DNM2: variants seen among roughly 807,000 people sequenced by gnomAD.
DNM2 encodes dynamin 2.
Under a neutral mutation model 99.0 loss-of-function variants are expected in DNM2, and 15 were observed. The ratio of observed to expected loss-of-function variants is 0.15; its 90% CI spans 0.10 to 0.23. The LOEUF (loss-of-function observed/expected upper bound fraction) is 0.23, where lower values mean the gene tolerates loss of function less well. DNM2 is among the 10% of genes least tolerant of loss of function. The pLI is 1.00. For missense variants in DNM2, 742 were observed against 1,189.4 expected (o/e 0.62, Z 5.53); for synonymous variants, 525 against 481.2 (o/e 1.09, Z -1.19).
At chr19:10,789,288 A>C (rs115657863) in intron 7 of DNM2, among the ~76,000 whole-genome samples, 439 of 152,258 alleles carry the variant, frequency 2.9e-3, no homozygotes, top group African/African-American at 0.01. Context: ...GATTCAGCCT[A>C]AGGGTGGACC....
At position 10,793,668 on chromosome 19, in the gene DNM2, G is replaced by A. The variant is rs920818458; in HGVS notation, c.993-52G>A. ...TGGCTTGACTTGGAACATCATTCCA[G>A]AGTAGTGTGGAAACCTCCGTTTTGA... On this transcript the variant is annotated intron_variant, in intron 7 of 20. Coordinates refer to ENST00000389253, the MANE Select transcript of DNM2 (RefSeq NM_001005361.3). 6 of 1,613,996 alleles carry A rather than the reference G, an allele frequency of 3.7e-6. No homozygotes were observed. In the African/African-American group the frequency reaches 8.0e-5, roughly 22 times the overall value.
At chr19:10,730,657 A>G (rs1302938248) in intron 1 of DNM2, among the ~76,000 whole-genome samples, 7 of 152,010 alleles carry the variant, frequency 4.6e-5, no homozygotes, top group African/African-American at 1.5e-4. Context: ...TGCTCCATCT[A>G]TATAAAGAGT....
At chr19:10,746,642 A>C (rs558801713) in intron 1 of DNM2, among the ~76,000 whole-genome samples, 1 of 149,470 alleles carries the variant, frequency 6.7e-6, no homozygotes, top group South Asian at 2.1e-4. Context: ...CTGGTCTCGA[A>C]CTCCCAACCT....
At chr19:10,800,047 A>G (rs2072081521) in intron 11 of DNM2, among the ~76,000 whole-genome samples, 1 of 145,994 alleles carries the variant, frequency 6.8e-6, no homozygotes, top group African/African-American at 2.6e-5. Context: ...AGTAGAGATG[A>G]GGTTTCGCCA....
intron 11 of DNM2, among the ~76,000 whole-genome samples, chr19:10,802,059 A>G (rs986539425): frequency 5.3e-5 from 8 of 152,146 alleles, no homozygotes; most frequent in Non-Finnish European, 7.4e-5. Context: ...CCTTGGGGAC[A>G]GCGGCCCTGC....
Position 10,797,664 on chromosome 19 carries a change from T to C in DNM2, c.1335+146T>C. The C allele has an allele frequency of 2.6e-5, 34 of 1,289,892 alleles. 1 individual carries two copies. The highest frequency in any genetic ancestry group is 3.5e-5 in the Non-Finnish European group (32 of 907,394). The allele number at this position is 1,289,892 out of a possible 1,614,324, so 79.9% of individuals were successfully genotyped here. A position where few individuals can be genotyped will look rare whatever the true frequency, so the allele number is the denominator to read the frequency against. ...CACTTAGAGATGTCGCCACCTTGCATTGGCAGATGGAATGGGGGGAGTGGC... is the reference window on the plus strand; with the variant it reads ...CACTTAGAGATGTCGCCACCTTGCACTGGCAGATGGAATGGGGGGAGTGGC... On this transcript the variant is annotated intron_variant, in intron 10 of 20. Coordinates refer to ENST00000389253, the MANE Select transcript of DNM2 (RefSeq NM_001005361.3).
At chr19:10,753,410 C>A (rs1486607131) in intron 1 of DNM2, among the ~76,000 whole-genome samples, 2 of 128,642 alleles carry the variant, frequency 1.6e-5, no homozygotes, top group East Asian at 2.7e-4. Flanking sequence ...CTTCCCTTCC[C>A]CCCCCCACTT....
chr19:10,771,741 G>A (rs2070987847), intron 2 of DNM2, among the ~76,000 whole-genome samples: 1 of 152,178 alleles, frequency 6.6e-6, no homozygotes, highest in Non-Finnish European at 1.5e-5. Context: ...ATGTATCCTG[G>A]TGCTTCCTCT....
At chr19:10,774,779 A>ATTAT (rs2071097067) in intron 3 of DNM2, among the ~76,000 whole-genome samples, 12 of 84,292 alleles carry the variant, frequency 1.4e-4, no homozygotes, top group African/African-American at 4.5e-4. Context: ...TTATATATTT[A>ATTAT]TTTTTTTTTT....
At chr19:10,799,960 G>A (rs1049886238) in intron 11 of DNM2, among the ~76,000 whole-genome samples, 24 of 152,262 alleles carry the variant, frequency 1.6e-4, no homozygotes, top group African/African-American at 5.1e-4. Context: ...ATACTCTCCT[G>A]CAGCCGCAGC....
intron 2 of DNM2, chr19:10,768,658 C>T (rs2070877750): frequency 6.6e-6 from 1 of 152,276 alleles, no homozygotes; most frequent in Non-Finnish European, 1.5e-5. Context: ...GGCCCGTTTC[C>T]TGGTCCTTGC....
At chr19:10,756,292 C>A (rs749748486) in intron 1 of DNM2, among the ~76,000 whole-genome samples, 2 of 152,034 alleles carry the variant, frequency 1.3e-5, no homozygotes, top group Non-Finnish European at 2.9e-5. Context: ...ATTATCCCAG[C>A]CCCCAACCCC....
chr19:10,829,230 T>G lies in DNM2; in HGVS notation c.2253T>G (p.Pro751=), dbSNP rs200155565. ...TSTVSTPVPP[P]VDDTWLQSAS... ...CTGTGTCCACGCCTGTACCCCCGCC[T>G]GTCGATGACACCTGGCTCCAGAGCG... Residue 751 remains proline, a synonymous_variant, in exon 19 of 21, where the codon CCT becomes CCG. Coordinates refer to ENST00000389253, the MANE Select transcript of DNM2 (RefSeq NM_001005361.3). 6.2e-7 allele frequency: 1 copy of G among 1,613,972 alleles called. No individual in the cohort carries two copies. The highest frequency in any genetic ancestry group is 8.5e-7 in the Non-Finnish European group (1 of 1,180,036).
intron 1 of DNM2, among the ~76,000 whole-genome samples, chr19:10,740,308 C>T (rs929417257): frequency 6.6e-6 from 1 of 151,862 alleles, no homozygotes; most frequent in East Asian, 1.9e-4. Flanking sequence ...TTTGGTTTAC[C>T]CTCCTTTTCT....
intron 2 of DNM2, among the ~76,000 whole-genome samples, chr19:10,768,163 G>C (rs960133306): frequency 5.3e-5 from 8 of 151,864 alleles, no homozygotes; most frequent in Admixed American, 1.3e-4. Context: ...ACAAAGAACA[G>C]CCCCTGCTGG....
At chr19:10,734,638 CAAAAAAAAAAA>C (rs61458566) in intron 1 of DNM2, among the ~76,000 whole-genome samples, 1 of 58,538 alleles carries the variant, frequency 1.7e-5, no homozygotes, top group Non-Finnish European at 2.9e-5. Context: ...GACCCTGTCT[CAAAAAAAAAAA>C]AAAAAAAAAA....
At chr19:10,779,184 C>T (rs929850179) in intron 5 of DNM2, among the ~76,000 whole-genome samples, 1 of 150,244 alleles carries the variant, frequency 6.7e-6, no homozygotes, top group African/African-American at 2.5e-5. Context: ...CACTTCACTC[C>T]AGCCTGGGCC....
chr19:10,813,019 C>A (rs1197000829), intron 15 of DNM2, among the ~76,000 whole-genome samples: 2 of 152,236 alleles, frequency 1.3e-5, no homozygotes, highest in Admixed American at 6.5e-5. Context: ...GTCAGGGGCT[C>A]AGGCATGCAG....
Position 10,772,413 on chromosome 19 carries a change from C to T in DNM2, c.236-66C>T. 1.9e-6 allele frequency: 3 copies of T among 1,599,724 alleles called. No individual in the cohort carries two copies. Among genetic ancestry groups the T allele is most frequent in the Non-Finnish European group, 2.6e-6 (3 of 1,172,880 alleles). On this transcript the variant is annotated intron_variant, in intron 2 of 20. Transcript: ENST00000389253. The surrounding 1 kb of genome is among the most constrained non-coding windows in gnomAD (Gnocchi z 4.9). Reference sequence around the variant, plus strand: ...ACTTTCATTCAACAAAGCATTTCTCCCCGCAGTCCATGCGCACCCTGCCCA... The same window carrying T: ...ACTTTCATTCAACAAAGCATTTCTCTCCGCAGTCCATGCGCACCCTGCCCA...
Sources: allele counts gnomAD v4.1 joint callset (sites outside exome capture counted in the v4.1 genomes callset), GRCh38; gene constraint gnomAD v4.1.1; non-coding constraint Gnocchi (gnomAD v3.1); transcripts MANE v1.5; gene names NCBI Gene and HGNC (gene_info 2026-07-23, HGNC 2026-07-21).